ARIH2: variants seen among roughly 807,000 people sequenced by gnomAD.
ARIH2 encodes the protein E3 ubiquitin-protein ligase ARIH2.
In ARIH2, 12 loss-of-function variants were observed where a neutral mutation model predicts 79.8. The ratio of observed to expected loss-of-function variants is 0.15; its 90% CI spans 0.10 to 0.24. ARIH2 has a LOEUF of 0.24. ARIH2 is among the 10% of genes least tolerant of loss of function. ARIH2 has a pLI of 1.00. For synonymous variants in ARIH2, 224 were observed against 213.9 expected, an observed-to-expected ratio of 1.05 and a Z score of -0.41; for missense variants, 301 against 618.3, an observed-to-expected ratio of 0.49 and a Z score of 5.44.
At position 48,969,563 on chromosome 3, in the gene ARIH2, T is replaced by A. The variant is rs139872049; in HGVS notation, c.660+908T>A. Among the ~76,000 whole-genome samples, 507 of 151,588 alleles carry A rather than the reference T, an allele frequency of 3.3e-3. 5 individuals carry two copies. Among genetic ancestry groups the A allele is most frequent in the African/African-American group, 0.012 (477 of 41,316 alleles). On this transcript the variant is annotated intron_variant, in intron 7 of 15. Transcript: ENST00000356401. ...GTATAGAGGCACAAACATGGCTCAC[T>A]GCAGCCTCTGACCTCCCAGGCTCAA...
chr3:48,934,728 T>C lies in ARIH2; in HGVS notation c.255+6915T>C, dbSNP rs555234095. The C allele has an allele frequency of 7.7e-5, 76 of 985,428 alleles. 1 individual carries two copies. In the South Asian group the frequency reaches 3.1e-3, roughly 40 times the overall value. The allele number at this position is 985,428 out of a possible 1,614,324, so 61.0% of individuals were successfully genotyped here. A position where few individuals can be genotyped will look rare whatever the true frequency, so the allele number is the denominator to read the frequency against. On this transcript the variant is annotated intron_variant, in intron 3 of 15. Coordinates refer to ENST00000356401, the MANE Select transcript of ARIH2 (RefSeq NM_006321.4). ...CGATGAGAAATGTCCAGAGTGACAT[T>C]GAGAATGGCCTAAATACAAATGGTG...
chr3:48,937,430 CAG>C (rs1430747120), intron 3 of ARIH2, among the ~76,000 whole-genome samples: 1 of 152,172 alleles, frequency 6.6e-6, no homozygotes, highest in Non-Finnish European at 1.5e-5. Flanking sequence ...GATCCCCAGA[CAG>C]AGTCTGTCAC....
chr3:48,975,180 C>G, intron 11 of ARIH2: 1 of 750,348 alleles, frequency 1.3e-6, no homozygotes. Context: ...CCACTGCTAT[C>G]TTGCTAACAC....
intron 3 of ARIH2, among the ~76,000 whole-genome samples, chr3:48,929,691 A>G (rs565501143): frequency 1.2e-4 from 18 of 152,222 alleles, no homozygotes; most frequent in Non-Finnish European, 1.5e-4. Flanking sequence ...TTGGAGAGCA[A>G]TAACTGTCTT....
intron 6 of ARIH2, chr3:48,968,051 T>G (rs2091915938): frequency 1.3e-5 from 2 of 154,638 alleles, no homozygotes; most frequent in Admixed American, 1.3e-4. Flanking sequence ...TTGTTTGTTT[T>G]TTGAGACAGT....
At chr3:48,957,186 T>C (rs1429223671) in intron 3 of ARIH2, among the ~76,000 whole-genome samples, 1 of 152,228 alleles carries the variant, frequency 6.6e-6, no homozygotes, top group African/African-American at 2.4e-5. Flanking sequence ...CTTGTAATCA[T>C]TAGGAAATTC....
At chr3:48,922,068 A>G (rs545695047) in intron 1 of ARIH2, among the ~76,000 whole-genome samples, 22 of 152,318 alleles carry the variant, frequency 1.4e-4, no homozygotes, top group African/African-American at 2.4e-4. Flanking sequence ...CAACATCTAC[A>G]TAACATTTAG....
At position 48,981,688 on chromosome 3, in the gene ARIH2, C is replaced by T; in HGVS notation, c.1286C>T (p.Pro429Leu). ...CGATACACCCTGCAATACACCTACC[C>T]ATATGCATATTACATGGAGTCCGGA... ...KCRYTLQYTY[P>L]YAYYMESGPR... The change falls in exon 14 of 16, where the codon CCA becomes CTA. Residue 429 changes from proline to leucine, a missense_variant. Pro to Leu is a moderately conservative substitution (Grantham distance 98). Around this residue, in one of 2 missense-constraint regions of ARIH2, gnomAD observed 78 missense variants for 268.9 expected, o/e 0.29. Transcript: ENST00000356401. 6.2e-7 allele frequency: 1 copy of T among 1,614,004 alleles called. No individual in the cohort carries two copies. The highest frequency in any genetic ancestry group is 8.5e-7 in the Non-Finnish European group (1 of 1,179,918).
At chr3:48,947,196 T>C (rs550697651) in intron 3 of ARIH2, among the ~76,000 whole-genome samples, 5 of 152,250 alleles carry the variant, frequency 3.3e-5, no homozygotes, top group Non-Finnish European at 1.5e-5. Context: ...ATCCCAGCTC[T>C]TTGGGAGGCC....
chr3:48,921,100 G>A lies in ARIH2; in HGVS notation c.-161-1648G>A, dbSNP rs987432884. ...GCCTCCTGAGTAGCTGGGATTATAG[G>A]CGCATGCTACCACGCCCAGCTAATT... On this transcript the variant is annotated intron_variant, in intron 1 of 15. Transcript: ENST00000356401. 1.1e-3 allele frequency among the ~76,000 whole-genome samples: 81 copies of A among 75,524 alleles called. 34 individuals carry two copies. Among genetic ancestry groups the A allele is most frequent in the Non-Finnish European group, 1.4e-3 (53 of 37,120 alleles). 49.5% of individuals were successfully genotyped at this position (75,524 alleles called of 152,430 possible). A position where few individuals can be genotyped will look rare whatever the true frequency, so the allele number is the denominator to read the frequency against.
intron 13 of ARIH2, 39 bp downstream of exon 13, chr3:48,980,535 C>A: frequency 6.2e-7 from 1 of 1,605,566 alleles, no homozygotes; most frequent in Non-Finnish European, 8.5e-7. Flanking sequence ...TGGTCCAGTG[C>A]CTGGCTCCGT....
chr3:48,931,766 G>A (rs35006813), intron 3 of ARIH2, among the ~76,000 whole-genome samples: 2,419 of 151,656 alleles, frequency 0.016, 29 homozygotes, highest in Non-Finnish European at 0.025. Context: ...CCTGTAATCC[G>A]AGTACTTTGG....
intron 4 of ARIH2, among the ~76,000 whole-genome samples, chr3:48,963,407 A>G (rs1461611698): frequency 1.3e-5 from 2 of 152,226 alleles, no homozygotes; most frequent in Non-Finnish European, 2.9e-5. Flanking sequence ...GGGCCCCTCA[A>G]TAAGGATAGC....
chr3:48,975,375 G>A (rs2092443487), intron 11 of ARIH2, among the ~76,000 whole-genome samples: 1 of 152,188 alleles, frequency 6.6e-6, no homozygotes, highest in Non-Finnish European at 1.5e-5. Flanking sequence ...GTTTTACAAA[G>A]TTTCTAGTGG....
chr3:48,973,696 A>G lies in ARIH2; in HGVS notation c.771-3A>G. On this transcript the variant is annotated splice_region_variant and splice_polypyrimidine_tract_variant and intron_variant, in intron 8 of 15. Coordinates refer to ENST00000356401, the MANE Select transcript of ARIH2 (RefSeq NM_006321.4). ...TTGAATGTTTTTCTTTTCCAATTTTAAGTTTCAAGTGTCGTCAGATGTATC... is the reference window on the plus strand; with the variant it reads ...TTGAATGTTTTTCTTTTCCAATTTTGAGTTTCAAGTGTCGTCAGATGTATC... The G allele has an allele frequency of 6.2e-7, 1 of 1,607,910 alleles. No individual in the cohort carries two copies.
chr3:48,935,365 A>G (rs1160113179), intron 3 of ARIH2, among the ~76,000 whole-genome samples: 1 of 152,258 alleles, frequency 6.6e-6, no homozygotes, highest in Non-Finnish European at 1.5e-5. Context: ...CTTTGTCCTC[A>G]TAAATACTTT....
chr3:48,940,571 G>T (rs1303907381), intron 3 of ARIH2, among the ~76,000 whole-genome samples: 1 of 151,732 alleles, frequency 6.6e-6, no homozygotes, highest in Non-Finnish European at 1.5e-5. Context: ...AAGATTTCAT[G>T]GACATTTATT....
At chr3:48,941,089 G>A (rs996969826) in intron 3 of ARIH2, among the ~76,000 whole-genome samples, 2 of 150,038 alleles carry the variant, frequency 1.3e-5, no homozygotes, top group African/African-American at 4.9e-5. Context: ...GGAGAATGGC[G>A]TGAACCCAGG....
chr3:48,955,937 G>A (rs1045722587), intron 3 of ARIH2, among the ~76,000 whole-genome samples: 1 of 152,060 alleles, frequency 6.6e-6, no homozygotes, highest in Non-Finnish European at 1.5e-5. Flanking sequence ...CTCCATCTCT[G>A]TGCTGCTTTT....
Sources: allele counts gnomAD v4.1 joint callset (sites outside exome capture counted in the v4.1 genomes callset), GRCh38; gene constraint gnomAD v4.1.1; regional missense constraint gnomAD v4.1.1; transcripts MANE v1.5; gene names NCBI Gene and HGNC (gene_info 2026-07-23, HGNC 2026-07-21).